The following CSF3R variants were observed in gnomAD, a reference collection of about 807,000 sequenced individuals.
The protein encoded by CSF3R is granulocyte colony-stimulating factor receptor.
A neutral mutation model predicts 84.4 loss-of-function variants in CSF3R; 52 were observed. The ratio of observed to expected loss-of-function variants is 0.62; its 90% CI spans 0.49 to 0.78. CSF3R has a LOEUF of 0.78. CSF3R is among the 30% of genes least tolerant of loss of function. CSF3R has a pLI of 0.00. For missense variants in CSF3R, 890 were observed against 1,055.7 expected, an observed-to-expected ratio of 0.84 and a Z score of 2.17; for synonymous variants, 384 against 429.1, an observed-to-expected ratio of 0.89 and a Z score of 1.30.
Position 36,472,452 on chromosome 1 carries a change from G to A in CSF3R, c.844-61C>T, listed in dbSNP as rs1019041627. The A allele has an allele frequency of 1.8e-5, 29 of 1,613,700 alleles. No individual in the cohort carries two copies. Among genetic ancestry groups the A allele is most frequent in the Non-Finnish European group, 2.4e-5 (28 of 1,179,924 alleles). ...CGCTGGGCCATTCTAGGGCCAGCTC[G>A]AGCCCGACTTACCCTGCCCCCTGCC... On this transcript the variant is annotated intron_variant, in intron 7 of 16. Coordinates refer to ENST00000373106, the MANE Select transcript of CSF3R (RefSeq NM_000760.4). The surrounding 1 kb of genome is among the most constrained non-coding windows in gnomAD (Gnocchi z 5.0).
rs145256322 is a variant in CSF3R at position 36,469,222 on chromosome 1, C to T, written c.1510G>A (p.Val504Met). Residue 504 changes from valine (V) to methionine (M), a missense_variant, in exon 12 of 17, where the codon GTG becomes ATG. Transcript: ENST00000373106. ...IRPFQLYEII[V>M]TPLYQDTMGP... ...ATGGTGTCCTGGTACAAGGGAGTCACGATGATCTCATAGAGCTGAAAGGGC... is the reference window on the plus strand; with the variant it reads ...ATGGTGTCCTGGTACAAGGGAGTCATGATGATCTCATAGAGCTGAAAGGGC... 66 of 1,613,896 alleles carry T rather than the reference C, an allele frequency of 4.1e-5. No individual in the cohort carries two copies. The African/African-American group carries it at 5.7e-4, about 14-fold the overall frequency.
chr1:36,469,243 A>G lies in CSF3R; in HGVS notation c.1489T>C (p.Phe497Leu). 4.3e-6 allele frequency: 7 copies of G among 1,613,952 alleles called. No individual in the cohort carries two copies. The highest frequency in any genetic ancestry group is 5.9e-6 in the Non-Finnish European group (7 of 1,179,828). The part of the protein sequence containing the change: ...GFLLKENIRP[F>L]QLYEIIVTPL... The stretch of plus-strand genomic sequence containing the variant: ...GTCACGATGATCTCATAGAGCTGAA[A>G]GGGCCTGATGTTCTCTGTAGAGAGA... Residue 497 changes from phenylalanine to leucine, a missense_variant, in exon 12 of 17, where the codon TTT becomes CTT. Coordinates refer to ENST00000373106, the MANE Select transcript of CSF3R (RefSeq NM_000760.4).
At chr1:36,475,715 A>AG in intron 3 of CSF3R, 42 bp from the exon 4 acceptor site, 1 of 1,580,820 alleles carries the variant, frequency 6.3e-7, no homozygotes, top group Non-Finnish European at 8.6e-7. Context: ...GCCTCTGCCT[A>AG]GCAGAGCTGG....
chr1:36,476,059 CTGT>C (rs3917951), intron 3 of CSF3R: 449 of 199,906 alleles, frequency 2.2e-3, no homozygotes, highest in African/African-American at 9.7e-3. Flanking sequence ...CAGATGGAGA[CTGT>C]TAACTCCCCA....
rs1310382286 is a variant in CSF3R at position 36,466,090 on chromosome 1, A to G, written c.*267T>C. 1 of 1,614,148 alleles carries G rather than the reference A, an allele frequency of 6.2e-7. No individual in the cohort carries two copies. Among genetic ancestry groups the G allele is most frequent in the East Asian group, 2.2e-5 (1 of 44,874 alleles). On this transcript the variant is annotated 3_prime_UTR_variant, in exon 17 of 17. Coordinates refer to ENST00000373106, the MANE Select transcript of CSF3R (RefSeq NM_000760.4). This position sits in a 1 kb window ranked among gnomAD's most constrained non-coding sequence, Gnocchi z 4.6. Reference sequence around the variant, plus strand: ...CAACAACAAAAACTGCAAACCAAAAACTAGTTTACAATACTGAAGTTATAG... The same window carrying G: ...CAACAACAAAAACTGCAAACCAAAAGCTAGTTTACAATACTGAAGTTATAG...
At chr1:36,473,284 C>G in intron 6 of CSF3R, 151 bp downstream of exon 6, 1 of 820,980 alleles carries the variant, frequency 1.2e-6, no homozygotes, top group Non-Finnish European at 1.9e-6. Flanking sequence ...CTGTCTCCAG[C>G]TGCACCTTTC....
chr1:36,469,727 G>A lies in CSF3R; in HGVS notation c.1399C>T (p.Pro467Ser), dbSNP rs538923210. ...TTGTTGCTATTGCTCGCGCTGGGGG[G>A]GCCCAGGCCCCACTCAATCACATAG... Reference protein sequence around the residue: ...QGYVIEWGLGPPSASNSNKTW... With the variant: ...QGYVIEWGLGSPSASNSNKTW... The change falls in exon 11 of 17, where the codon CCC becomes TCC. Residue 467 changes from proline (P) to serine (S), a missense_variant. Pro to Ser is a moderately conservative substitution (Grantham distance 74). Coordinates refer to ENST00000373106, the MANE Select transcript of CSF3R (RefSeq NM_000760.4). The A allele has an allele frequency of 1.2e-4, 189 of 1,614,064 alleles. 1 individual carries two copies. The highest frequency in any genetic ancestry group is 3.0e-4 in the South Asian group (27 of 91,086).
At position 36,467,759 on chromosome 1, in the gene CSF3R, A is replaced by C; in HGVS notation, c.1864+63T>G. ...TCAGTCCCCAGCTACTCTCAAAATC[A>C]GCATCCTTTGGGTGGGGTACCCTCC... On this transcript the variant is annotated intron_variant, in intron 14 of 16. Coordinates refer to ENST00000373106, the MANE Select transcript of CSF3R (RefSeq NM_000760.4). The surrounding 1 kb of genome is among the most constrained non-coding windows in gnomAD (Gnocchi z 4.1). 1.2e-6 allele frequency: 2 copies of C among 1,613,932 alleles called. No homozygotes were observed. The highest frequency in any genetic ancestry group is 1.7e-6 in the Non-Finnish European group (2 of 1,179,786).
At position 36,467,385 on chromosome 1, in the gene CSF3R, A is replaced by G; in HGVS notation, c.1959-74T>C. The G allele has an allele frequency of 4.6e-6, 7 of 1,515,424 alleles. No individual in the cohort carries two copies. The highest frequency in any genetic ancestry group is 1.4e-5 in the African/African-American group (1 of 72,880). The allele number at this position is 1,515,424 out of a possible 1,614,324, so 93.9% of individuals were successfully genotyped here. A position where few individuals can be genotyped will look rare whatever the true frequency, so the allele number is the denominator to read the frequency against. On this transcript the variant is annotated intron_variant, in intron 15 of 16. Transcript: ENST00000373106. This position sits in a 1 kb window ranked among gnomAD's most constrained non-coding sequence, Gnocchi z 4.1. ...TTCCATTTTTTGTCCCACCCACCCCACCTGAAGAGGTGCAGCTGCCCTTAG... is the reference window on the plus strand; with the variant it reads ...TTCCATTTTTTGTCCCACCCACCCCGCCTGAAGAGGTGCAGCTGCCCTTAG...
rs1651365847 is a variant in CSF3R at position 36,479,219 on chromosome 1, C to A, written c.64+214G>T. The stretch of plus-strand genomic sequence containing the variant: ...GCCTCACTGGCCTTTTCCAGGATGA[C>A]CAGCCCGGGTCGTCTCACCATTCCT... On this transcript the variant is annotated intron_variant, in intron 3 of 16. Transcript: ENST00000373106. 9.5e-6 allele frequency: 6 copies of A among 630,822 alleles called. No homozygotes were observed. The Admixed American group carries it at 1.3e-4, about 14-fold the overall frequency. 39.1% of individuals were successfully genotyped at this position (630,822 alleles called of 1,614,324 possible). A position where few individuals can be genotyped will look rare whatever the true frequency, so the allele number is the denominator to read the frequency against.
intron 3 of CSF3R, 81 bp downstream of exon 3, chr1:36,479,352 T>C: frequency 3.7e-6 from 5 of 1,336,512 alleles, no homozygotes; most frequent in Non-Finnish European, 5.4e-6. Context: ...CCAGGAGCCA[T>C]GTGGCAGTGC....
In CSF3R at chr1:36,471,020, T is replaced by A. The variant is rs142404445; in HGVS notation, c.1285+413A>T. Among the ~76,000 whole-genome samples, 17 of 152,258 alleles carry A rather than the reference T, an allele frequency of 1.1e-4. No individual in the cohort carries two copies. The East Asian group carries it at 3.1e-3, about 28-fold the overall frequency. On this transcript the variant is annotated intron_variant, in intron 10 of 16. Transcript: ENST00000373106. ...GAGGTAACTTACTCAGGTCACACTG[T>A]TAGCAAGTGATAGGACTCGTTTTTT...
At chr1:36,478,502 C>A (rs1334289840) in intron 3 of CSF3R, among the ~76,000 whole-genome samples, 1 of 151,896 alleles carries the variant, frequency 6.6e-6, no homozygotes, top group Non-Finnish European at 1.5e-5. Context: ...GTACTTCAGC[C>A]TGGGCAAGAG....
At chr1:36,471,868 C>G (rs1429894357) in intron 9 of CSF3R, 198 bp downstream of exon 9, 5 of 689,312 alleles carry the variant, frequency 7.3e-6, no homozygotes, top group Non-Finnish European at 1.2e-5. Flanking sequence ...TAACTATTCA[C>G]TGAACCACAC....
intron 6 of CSF3R, 125 bp downstream of exon 6, chr1:36,473,310 C>T (rs1437393173): frequency 2.3e-5 from 25 of 1,089,242 alleles, no homozygotes; most frequent in Non-Finnish European, 3.4e-5. Flanking sequence ...CTCTGTCCCT[C>T]TTCTGTGCCT....
At chr1:36,480,043 C>T in intron 2 of CSF3R, 1 of 229,068 alleles carries the variant, frequency 4.4e-6, no homozygotes, top group South Asian at 6.0e-5. Context: ...CCATGTAGAA[C>T]ACTTCTCAGA....
Position 36,467,008 on chromosome 1 carries a change from CGTT to C in CSF3R, c.2041-184_2041-182del. 1.4e-6 allele frequency: 2 copies of C among 1,454,626 alleles called. No homozygotes were observed. Among genetic ancestry groups the C allele is most frequent in the East Asian group, 4.7e-5 (2 of 42,398 alleles). The allele number at this position is 1,454,626 out of a possible 1,614,324, so 90.1% of individuals were successfully genotyped here. On this transcript the variant is annotated intron_variant, in intron 16 of 16. Transcript: ENST00000373106. The surrounding 1 kb of genome is among the most constrained non-coding windows in gnomAD (Gnocchi z 4.1). ...CACATGCCTGACACATGCCATGCAC[CGTT>C]CAGACTCAGCATGGTCAGTTTTTCC...
intron 2 of CSF3R, 120 bp from the exon 3 acceptor site, chr1:36,479,636 G>T: frequency 2.5e-6 from 2 of 785,290 alleles, no homozygotes; most frequent in Non-Finnish European, 4.4e-6. Flanking sequence ...TCGTTTCTTT[G>T]CAAAATGGAA....
At position 36,472,457 on chromosome 1, in the gene CSF3R, C is replaced by T. The variant is rs1650827631; in HGVS notation, c.843+60G>A. 13 of 1,613,880 alleles carry T rather than the reference C, an allele frequency of 8.1e-6. No individual in the cohort carries two copies. The highest frequency in any genetic ancestry group is 3.3e-5 in the Admixed American group (2 of 60,010). Reference sequence around the variant, plus strand: ...GGCCATTCTAGGGCCAGCTCGAGCCCGACTTACCCTGCCCCCTGCCCCCAC... The same window carrying T: ...GGCCATTCTAGGGCCAGCTCGAGCCTGACTTACCCTGCCCCCTGCCCCCAC... On this transcript the variant is annotated intron_variant, in intron 7 of 16. Transcript: ENST00000373106. This position sits in a 1 kb window ranked among gnomAD's most constrained non-coding sequence, Gnocchi z 5.0.
Sources: allele counts gnomAD v4.1 joint callset (sites outside exome capture counted in the v4.1 genomes callset), GRCh38; gene constraint gnomAD v4.1.1; non-coding constraint Gnocchi (gnomAD v3.1); transcripts MANE v1.5; gene names NCBI Gene and HGNC (gene_info 2026-07-23, HGNC 2026-07-21).